The following NIBAN1 variants were observed in gnomAD, a reference collection of about 807,000 sequenced individuals.
NIBAN1 encodes niban apoptosis regulator 1, also known as protein Niban 1.
In NIBAN1, 81 loss-of-function variants were observed where a neutral mutation model predicts 75.1. The ratio of observed to expected loss-of-function variants is 1.08; its 90% CI spans 0.90 to 1.30. NIBAN1 has a LOEUF of 1.30. Among genes scored for constraint, NIBAN1 ranks in the 50% most tolerant of loss-of-function variants. The pLI, the probability that NIBAN1 is intolerant of heterozygous loss-of-function variation, is 0.00. For missense variants in NIBAN1, 1,133 were observed against 1,128.1 expected (o/e 1.00, Z -0.06); for synonymous variants, 436 against 424.8 (o/e 1.03, Z -0.32).
intron 1 of NIBAN1, among the ~76,000 whole-genome samples, chr1:184,927,998 A>G (rs550035880): frequency 1.3e-5 from 2 of 152,216 alleles, no homozygotes; most frequent in East Asian, 3.9e-4. Flanking sequence ...CTCAATGCCC[A>G]TGGCAAGTAC....
At chr1:184,906,197 G>C (rs1395671533) in intron 1 of NIBAN1, among the ~76,000 whole-genome samples, 2 of 152,016 alleles carry the variant, frequency 1.3e-5, no homozygotes, top group Non-Finnish European at 2.9e-5. Context: ...ATTCGAGGCT[G>C]CAGTGAGCTG....
chr1:184,844,792 T>C (rs1340781029), intron 5 of NIBAN1, among the ~76,000 whole-genome samples: 1 of 152,168 alleles, frequency 6.6e-6, no homozygotes, highest in Non-Finnish European at 1.5e-5. Flanking sequence ...AACTGACCCA[T>C]GATCCATTTT....
rs1383999506 is a variant in NIBAN1 at position 184,974,400 on chromosome 1, C to A, written c.-44G>T. 1.3e-6 allele frequency: 2 copies of A among 1,538,130 alleles called. No individual in the cohort carries two copies. The highest frequency in any genetic ancestry group is 1.7e-6 in the Non-Finnish European group (2 of 1,147,262). ...CTGAGCGCGGAAACTGCCCGGTCCG[C>A]GCCCGCTGCTAGCTCCTGGAGGTTG... On this transcript the variant is annotated 5_prime_UTR_variant, in exon 1 of 14. Transcript: ENST00000367511.
At chr1:184,881,783 G>A (rs1389030914) in intron 5 of NIBAN1, among the ~76,000 whole-genome samples, 1 of 152,208 alleles carries the variant, frequency 6.6e-6, no homozygotes, top group African/African-American at 2.4e-5. Flanking sequence ...ACTGGTGGGA[G>A]TGTAGCAGTG....
At chr1:184,836,922 A>T (rs971228852) in intron 5 of NIBAN1, among the ~76,000 whole-genome samples, 1 of 152,236 alleles carries the variant, frequency 6.6e-6, no homozygotes, top group Non-Finnish European at 1.5e-5. Context: ...AAGTTGCTTT[A>T]TATACATTTG....
Position 184,808,153 on chromosome 1 carries a change from C to G in NIBAN1, c.1256G>C (p.Arg419Pro), listed in dbSNP as rs141805525. The change falls in exon 10 of 14, where the codon CGC (arginine) becomes CCC (proline). Residue 419 changes from arginine (R) to proline (P), a missense_variant. Coordinates refer to ENST00000367511, the MANE Select transcript of NIBAN1 (RefSeq NM_052966.4). ...GAAGCGGCTCTTGAGATCCTGCAGG[C>G]GCTCGTGAAGCAGGTTGACTTTAGT... ...CYTKVNLLHE[R>P]LQDLKSRFRF... The G allele has an allele frequency of 6.2e-7, 1 of 1,613,876 alleles. No individual in the cohort carries two copies. Among genetic ancestry groups the G allele is most frequent in the Non-Finnish European group, 8.5e-7 (1 of 1,179,988 alleles).
At chr1:184,814,577 C>A (rs1426651601) in intron 9 of NIBAN1, among the ~76,000 whole-genome samples, 2 of 152,168 alleles carry the variant, frequency 1.3e-5, no homozygotes, top group African/African-American at 4.8e-5. Context: ...CCATCAGAGT[C>A]ATGTTTCATC....
At chr1:184,825,732 T>C (rs1654825877) in intron 6 of NIBAN1, among the ~76,000 whole-genome samples, 1 of 152,208 alleles carries the variant, frequency 6.6e-6, no homozygotes, top group Non-Finnish European at 1.5e-5. Flanking sequence ...AGCTTTGCTG[T>C]TCAGATTCAC....
chr1:184,875,495 T>C (rs1656207753), intron 5 of NIBAN1, among the ~76,000 whole-genome samples: 1 of 152,178 alleles, frequency 6.6e-6, no homozygotes, highest in Non-Finnish European at 1.5e-5. Flanking sequence ...GGGACGCTCA[T>C]GTATTCTCAC....
chr1:184,886,626 C>T (rs1233500055), intron 4 of NIBAN1, among the ~76,000 whole-genome samples: 3 of 152,112 alleles, frequency 2.0e-5, no homozygotes, highest in African/African-American at 7.2e-5. Flanking sequence ...CATGATATTG[C>T]ACTTGGTTAA....
At chr1:184,892,134 C>T (rs1656683912) in intron 3 of NIBAN1, among the ~76,000 whole-genome samples, 1 of 152,234 alleles carries the variant, frequency 6.6e-6, no homozygotes, top group Non-Finnish European at 1.5e-5. Flanking sequence ...AGAACAAGAT[C>T]TAGGGCTGTT....
chr1:184,917,235 C>T (rs1657409081), intron 1 of NIBAN1, among the ~76,000 whole-genome samples: 1 of 149,158 alleles, frequency 6.7e-6, no homozygotes, highest in Admixed American at 6.7e-5. Flanking sequence ...GATGAAGTCT[C>T]ACTCTGTCGC....
chr1:184,890,299 TAGAC>T (rs1656634599), intron 3 of NIBAN1, 77 bp from the exon 4 acceptor site: 4 of 982,512 alleles, frequency 4.1e-6, no homozygotes, highest in African/African-American at 1.6e-5. Context: ...ATATAACAAA[TAGAC>T]AGATTCAGAC....
chr1:184,812,456 C>T (rs1271421937), intron 9 of NIBAN1, among the ~76,000 whole-genome samples: 1 of 152,192 alleles, frequency 6.6e-6, no homozygotes, highest in East Asian at 1.9e-4. Context: ...AGCCCAGAGC[C>T]TGGCATGCCG....
intron 5 of NIBAN1, among the ~76,000 whole-genome samples, chr1:184,869,161 T>C (rs1488003122): frequency 2.0e-5 from 3 of 152,190 alleles, no homozygotes; most frequent in Non-Finnish European, 4.4e-5. Context: ...TGGGATTTTA[T>C]GGTCATGTCT....
chr1:184,970,009 A>G (rs1658895770), intron 1 of NIBAN1, among the ~76,000 whole-genome samples: 2 of 151,952 alleles, frequency 1.3e-5, no homozygotes, highest in African/African-American at 4.8e-5. Context: ...CTACAAAAAA[A>G]TACAAAAAAA....
intron 6 of NIBAN1, among the ~76,000 whole-genome samples, chr1:184,831,392 G>A (rs1317476270): frequency 6.6e-6 from 1 of 152,138 alleles, no homozygotes; most frequent in Non-Finnish European, 1.5e-5. Context: ...GATGATGCAA[G>A]GTAAACATTA....
intron 1 of NIBAN1, among the ~76,000 whole-genome samples, chr1:184,935,111 A>T (rs560185015): frequency 2.0e-5 from 3 of 151,630 alleles, no homozygotes; most frequent in South Asian, 4.2e-4. Context: ...TTAGACCATC[A>T]TTTAATAGCA....
chr1:184,882,052 A>C (rs539058897), intron 5 of NIBAN1, among the ~76,000 whole-genome samples: 2 of 152,258 alleles, frequency 1.3e-5, no homozygotes, highest in Admixed American at 1.3e-4. Flanking sequence ...CCGGTTCTCA[A>C]CAGAGAAGCA....
Sources: gnomAD v4.1 joint callset for allele counts (sites outside exome capture counted in the v4.1 genomes callset) on GRCh38, gnomAD v4.1.1 for gene constraint, MANE v1.5 for transcripts, NCBI Gene and HGNC (gene_info 2026-07-23, HGNC 2026-07-21) for gene names.